DNAH10: variants seen among roughly 807,000 people sequenced by gnomAD.
DNAH10 encodes the protein axonemal beta dynein heavy chain 10.
DNAH10 carries 348 observed loss-of-function variants against 506.6 expected under a neutral mutation model. That is an observed-to-expected ratio of 0.69 (90% confidence interval 0.63 to 0.75). The LOEUF (loss-of-function observed/expected upper bound fraction) is 0.75, where lower values mean the gene tolerates loss of function less well. Ranked by LOEUF, DNAH10 falls within the 30% of genes least tolerant of loss-of-function variation. The pLI is 0.00. For synonymous variants in DNAH10, 2,059 were observed against 2,198.6 expected (o/e 0.94, Z 1.78); for missense variants, 5,179 against 5,787.1 (o/e 0.89, Z 3.41).
chr12:123,913,463 G>A lies in DNAH10; in HGVS notation c.10352+148G>A. 1 of 807,318 alleles carries A rather than the reference G, an allele frequency of 1.2e-6. No individual in the cohort carries two copies. The highest frequency in any genetic ancestry group is 1.7e-5 in the African/African-American group (1 of 57,850). The allele number at this position is 807,318 out of a possible 1,614,324, so 50.0% of individuals were successfully genotyped here. ...TTATGTTCCTATTATCATGTTTATG[G>A]CAGCTAATGGCTATTTTATAGGCTC... On this transcript the variant is annotated intron_variant, in intron 60 of 78. Transcript: ENST00000673944. This position sits in a 1 kb window ranked among gnomAD's most constrained non-coding sequence, Gnocchi z 5.1.
chr12:123,922,564 C>T lies in DNAH10; in HGVS notation c.11507-1199C>T, dbSNP rs554266936. On this transcript the variant is annotated intron_variant, in intron 65 of 78. Transcript: ENST00000673944. Reference sequence around the variant, plus strand: ...CACCAGCGTTTGGTGTATTAGTTTGCCATGCCTGCCATAACAAAATACCAC... The same window carrying T: ...CACCAGCGTTTGGTGTATTAGTTTGTCATGCCTGCCATAACAAAATACCAC... Among the ~76,000 whole-genome samples the T allele has an allele frequency of 1.8e-4, 27 of 152,272 alleles. 1 individual carries two copies. In the South Asian group the frequency reaches 5.2e-3, roughly 29 times the overall value.
In DNAH10 at chr12:123,814,035, A is replaced by G. The variant is rs147226719; in HGVS notation, c.3780+123A>G. On this transcript the variant is annotated intron_variant, in intron 21 of 78. Transcript: ENST00000673944. ...TTTCAAATAAGTGACTTTAAGTAATACATTGTAAATGTAAAGCAATGCCAC... is the reference window on the plus strand; with the variant it reads ...TTTCAAATAAGTGACTTTAAGTAATGCATTGTAAATGTAAAGCAATGCCAC... 2.3e-4 allele frequency: 208 copies of G among 918,066 alleles called. No individual in the cohort carries two copies. In the African/African-American group the frequency reaches 3.4e-3, roughly 15 times the overall value. 56.9% of individuals were successfully genotyped at this position (918,066 alleles called of 1,614,324 possible). A position where few individuals can be genotyped will look rare whatever the true frequency, so the allele number is the denominator to read the frequency against.
At position 123,800,324 on chromosome 12, in the gene DNAH10, C is replaced by T; in HGVS notation, c.2398C>T (p.Gln800Ter). 1 of 1,614,144 alleles carries T rather than the reference C, an allele frequency of 6.2e-7. No individual in the cohort carries two copies. ...EIINETKYLE[Q>*]LGFTVPELAR... is the part of the protein sequence containing the mutation. ...TATTAATGAAACAAAGTACTTAGAGCAGCTGGGGTTCACTGTCCCTGAATT... is the reference window on the plus strand; with the variant it reads ...TATTAATGAAACAAAGTACTTAGAGTAGCTGGGGTTCACTGTCCCTGAATT... The change falls in exon 15 of 79, where the codon CAG becomes TAG. Residue 800 changes from glutamine to a stop codon, truncating the protein, a stop_gained. Coordinates refer to ENST00000673944, the MANE Select transcript of DNAH10 (RefSeq NM_001372106.1). LOFTEE classifies it high-confidence loss of function.
intron 1 of DNAH10, among the ~76,000 whole-genome samples, chr12:123,766,846 T>G (rs997057089): frequency 1.3e-5 from 2 of 152,124 alleles, no homozygotes; most frequent in Middle Eastern, 3.2e-3. Context: ...CTAATTTATG[T>G]AAATGTTAGT....
At chr12:123,865,897 C>T (rs7314963) in intron 40 of DNAH10, 54 bp from the exon 41 acceptor site, 723,022 of 1,487,528 alleles carry the variant, frequency 0.49, 179,751 homozygotes, top group Non-Finnish European at 0.51. Context: ...CCTTAAACAT[C>T]TAGTTTATCT....
chr12:123,814,996 T>C (rs1959095334), intron 21 of DNAH10, among the ~76,000 whole-genome samples: 1 of 152,184 alleles, frequency 6.6e-6, no homozygotes, highest in Non-Finnish European at 1.5e-5. Flanking sequence ...TAACAAAGGA[T>C]TTTGCACTAA....
At chr12:123,858,944 T>G (rs1236904072) in intron 37 of DNAH10, among the ~76,000 whole-genome samples, 2 of 151,890 alleles carry the variant, frequency 1.3e-5, no homozygotes, top group African/African-American at 4.8e-5. Flanking sequence ...TTGGGAGAGA[T>G]GGGTACAGGG....
rs1957908011 is a variant in DNAH10, at chr12:123,787,657, G to C, written c.1422-147G>C. ...TGCACATGGGACAGGGCAGCCGCTT[G>C]CCCGCTCTGCCTTTTCCGATGAGGC... On this transcript the variant is annotated intron_variant, in intron 9 of 78. Transcript: ENST00000673944. The surrounding 1 kb of genome is among the most constrained non-coding windows in gnomAD (Gnocchi z 4.6). 2 of 931,670 alleles carry C rather than the reference G, an allele frequency of 2.1e-6. No individual in the cohort carries two copies. The highest frequency in any genetic ancestry group is 1.7e-5 in the African/African-American group (1 of 59,646). 57.7% of individuals were successfully genotyped at this position (931,670 alleles called of 1,614,324 possible).
Position 123,830,685 on chromosome 12 carries a change from G to C in DNAH10, c.4531G>C (p.Val1511Leu), listed in dbSNP as rs1960452331. The C allele has an allele frequency of 6.2e-7, 1 of 1,610,418 alleles. No homozygotes were observed. Among genetic ancestry groups the C allele is most frequent in the Admixed American group, 1.7e-5 (1 of 59,592 alleles). Residue 1511 changes from valine to leucine, a missense_variant, in exon 26 of 79, where the codon GTT (valine) becomes CTT (leucine). Val to Leu is a conservative substitution (Grantham distance 32). Around this residue, in one of 3 missense-constraint regions of DNAH10, gnomAD observed 4,844 missense variants for 5,430.5 expected, o/e 0.89. Transcript: ENST00000673944. ...GATTGTCACAGCAGCAATCAAGGAG[G>C]TTGCCATTGAGAAGGTAAGACTTCA... ...NEIVTAAIKE[V>L]AIEKAVKEIL...
intron 65 of DNAH10, among the ~76,000 whole-genome samples, chr12:123,920,167 T>C (rs1053001916): frequency 2.6e-5 from 4 of 152,240 alleles, no homozygotes; most frequent in Non-Finnish European, 4.4e-5. Flanking sequence ...CACCTGGCAA[T>C]GATTAGCTCT....
At chr12:123,820,985 C>G (rs1421882338) in intron 24 of DNAH10, among the ~76,000 whole-genome samples, 5 of 152,132 alleles carry the variant, frequency 3.3e-5, no homozygotes, top group Admixed American at 2.0e-4. Flanking sequence ...TGCGGTGGCT[C>G]ACGCCTGTAA....
At position 123,876,985 on chromosome 12, in the gene DNAH10, T is replaced by G. The variant is rs1280067122; in HGVS notation, c.8200-751T>G. ...AAAAAAAATTCACATAACACAAAATTCGTTATTATAGCCATTTTAAAGTAT... is the reference window on the plus strand; with the variant it reads ...AAAAAAAATTCACATAACACAAAATGCGTTATTATAGCCATTTTAAAGTAT... On this transcript the variant is annotated intron_variant, in intron 47 of 78. Transcript: ENST00000673944. 9.9e-5 allele frequency among the ~76,000 whole-genome samples: 15 copies of G among 152,164 alleles called. No homozygotes were observed. In the East Asian group the frequency reaches 2.9e-3, roughly 29 times the overall value.
intron 25 of DNAH10, among the ~76,000 whole-genome samples, chr12:123,829,414 T>G (rs990537750): frequency 1.3e-5 from 2 of 151,882 alleles, no homozygotes; most frequent in African/African-American, 4.8e-5. Context: ...GACAGAGGAG[T>G]TGGTTCAACT....
intron 76 of DNAH10, 141 bp from the exon 77 acceptor site, chr12:123,933,190 A>C: frequency 1.5e-6 from 1 of 670,680 alleles, no homozygotes; most frequent in Admixed American, 4.1e-5. Flanking sequence ...TTTCTCAGAC[A>C]GGCGGCCAGT....
At chr12:123,894,835 G>T in intron 54 of DNAH10, 112 bp downstream of exon 54, 1 of 909,696 alleles carries the variant, frequency 1.1e-6, no homozygotes, top group Non-Finnish European at 1.7e-6. Flanking sequence ...AAAACCCTAT[G>T]GTAACAAATG....
chr12:123,764,625 C>T (rs1956949683), intron 1 of DNAH10, among the ~76,000 whole-genome samples: 1 of 152,170 alleles, frequency 6.6e-6, no homozygotes, highest in Non-Finnish European at 1.5e-5. Flanking sequence ...GCCCAAATGT[C>T]ATCCAGTGTG....
At position 123,785,557 on chromosome 12, in the gene DNAH10, G is replaced by A. The variant is rs1957814643; in HGVS notation, c.1231-189G>A. Among the ~76,000 whole-genome samples the A allele has an allele frequency of 1.3e-5, 2 of 150,926 alleles. No individual in the cohort carries two copies. The highest frequency in any genetic ancestry group is 2.9e-5 in the Non-Finnish European group (2 of 67,940). On this transcript the variant is annotated intron_variant, in intron 8 of 78. Transcript: ENST00000673944. The surrounding 1 kb of genome is among the most constrained non-coding windows in gnomAD (Gnocchi z 4.1). ...AGGCTGAGGTGGGAGGATCACTTGAGTCCGCAGGGGAGTCGAGGCTGCAGT... is the reference window on the plus strand; with the variant it reads ...AGGCTGAGGTGGGAGGATCACTTGAATCCGCAGGGGAGTCGAGGCTGCAGT...
chr12:123,778,125 C>T (rs899090445), intron 5 of DNAH10, among the ~76,000 whole-genome samples: 12 of 151,928 alleles, frequency 7.9e-5, no homozygotes, highest in South Asian at 2.1e-4. Context: ...ATCGCTTGAA[C>T]CCAGGAGTTT....
At chr12:123,845,241 C>T (rs1950905771) in intron 30 of DNAH10, among the ~76,000 whole-genome samples, 1 of 152,136 alleles carries the variant, frequency 6.6e-6, no homozygotes. Flanking sequence ...TCAAGTGATC[C>T]TCTTCCTTGG....
Sources: gnomAD v4.1 joint callset for allele counts (sites outside exome capture counted in the v4.1 genomes callset) on GRCh38, gnomAD v4.1.1 for gene constraint, gnomAD v4.1.1 regional missense constraint, Gnocchi (gnomAD v3.1) non-coding constraint, MANE v1.5 for transcripts, NCBI Gene and HGNC (gene_info 2026-07-23, HGNC 2026-07-21) for gene names.